The following SLC2A8 variants were observed in gnomAD, a reference collection of about 807,000 sequenced individuals.
SLC2A8 encodes solute carrier family 2, facilitated glucose transporter member 8.
In SLC2A8, 53 loss-of-function variants were observed where a neutral mutation model predicts 49.2. That is an observed-to-expected ratio of 1.08 (90% CI 0.86 to 1.35). The LOEUF is 1.35. Ranked by LOEUF, SLC2A8 falls within the 40% of genes most tolerant of loss-of-function variation. SLC2A8 has a pLI of 0.00. For synonymous variants in SLC2A8, 299 were observed against 297.0 expected (o/e 1.01, Z -0.07); for missense variants, 688 against 671.7 (o/e 1.02, Z -0.27).
chr9:127,405,438 G>A lies in SLC2A8; in HGVS notation c.1169G>A (p.Gly390Glu), dbSNP rs776088843. 3.7e-6 allele frequency: 6 copies of A among 1,612,810 alleles called. No homozygotes were observed. Among genetic ancestry groups the A allele is most frequent in the Non-Finnish European group, 5.1e-6 (6 of 1,179,988 alleles). Residue 390 changes from glycine (G) to glutamate (E), a missense_variant, in exon 9 of 10, where the codon GGG becomes GAG. By Grantham distance (98) the Gly-to-Glu change is moderately conservative. Coordinates refer to ENST00000373371, the MANE Select transcript of SLC2A8 (RefSeq NM_014580.5). ...LFIAGFAVGW[G>E]PIPWLLMSEI... is the part of the protein sequence containing the mutation. ...CCCACAGGCTTTGCGGTGGGCTGGG[G>A]GCCCATCCCCTGGCTCCTCATGTCA...
chr9:127,407,178 A>G lies in SLC2A8; in HGVS notation c.1363A>G (p.Thr455Ala), dbSNP rs1337353166. The change falls in exon 10 of 10, where the codon ACT (threonine) becomes GCT (alanine). Residue 455 changes from threonine (T) to alanine (A), a missense_variant. Thr to Ala is a moderately conservative substitution (Grantham distance 58, BLOSUM62 0). Transcript: ENST00000373371. ...SAFCIFSVLFTLFCVPETKGK... is the reference protein window; with the variant it reads ...SAFCIFSVLFALFCVPETKGK... ...TTTCTGCATCTTCAGTGTCCTTTTC[A>G]CTTTGTTCTGTGTCCCTGAAACTAA... 1.2e-6 allele frequency: 2 copies of G among 1,613,270 alleles called. No homozygotes were observed. The highest frequency in any genetic ancestry group is 2.7e-5 in the African/African-American group (2 of 74,820).
At chr9:127,403,441 C>T (rs374508069) in intron 5 of SLC2A8, 23 of 593,922 alleles carry the variant, frequency 3.9e-5, no homozygotes, top group Non-Finnish European at 5.7e-5. Flanking sequence ...GGCTCCCCCC[C>T]ACCTATCAGG....
In SLC2A8 at chr9:127,397,640, A is replaced by G. The variant is rs999274814; in HGVS notation, c.219+102A>G. ...CCCCACCCTTCCCCTCGGGACAGGC[A>G]TCGGGCCCCGCCGCCACCACCTTTC... On this transcript the variant is annotated intron_variant, in intron 2 of 9. Coordinates refer to ENST00000373371, the MANE Select transcript of SLC2A8 (RefSeq NM_014580.5). The G allele has an allele frequency of 1.1e-5, 15 of 1,324,594 alleles. No individual in the cohort carries two copies. The Admixed American group carries it at 2.7e-4, about 24-fold the overall frequency. 82.1% of individuals were successfully genotyped at this position (1,324,594 alleles called of 1,614,324 possible).
In SLC2A8 at chr9:127,407,150, C is replaced by T. The variant is rs772951758; in HGVS notation, c.1335C>T (p.Ser445=). 1.4e-5 allele frequency: 23 copies of T among 1,613,556 alleles called. No individual in the cohort carries two copies. The Middle Eastern group carries it at 6.6e-4, about 46-fold the overall frequency. The change falls in exon 10 of 10, where the codon TCC becomes TCT. Residue 445 remains serine, a synonymous_variant. Transcript: ENST00000373371. ...LRPYGAFWLA[S]AFCIFSVLFT... ...CCTATGGAGCCTTCTGGCTTGCCTC[C>T]GCTTTCTGCATCTTCAGTGTCCTTT...
Position 127,405,491 on chromosome 9 carries a change from G to C in SLC2A8, c.1222G>C (p.Val408Leu), listed in dbSNP as rs79364852. ...GATCTTCCCTCTGCATGTCAAGGGCGTGGCGACAGGCATCTGCGTCCTCAC... is the reference window on the plus strand; with the variant it reads ...GATCTTCCCTCTGCATGTCAAGGGCCTGGCGACAGGCATCTGCGTCCTCAC... ...SEIFPLHVKG[V>L]ATGICVLTNW... Residue 408 changes from valine to leucine, a missense_variant, in exon 9 of 10, where the codon GTG (valine) becomes CTG (leucine). Transcript: ENST00000373371. The C allele has an allele frequency of 1.2e-6, 2 of 1,613,044 alleles. No homozygotes were observed. Among genetic ancestry groups the C allele is most frequent in the African/African-American group, 1.3e-5 (1 of 74,942 alleles).
At chr9:127,405,291 G>A (rs997097965) in intron 8 of SLC2A8, 129 bp from the exon 9 acceptor site, 23 of 1,100,468 alleles carry the variant, frequency 2.1e-5, no homozygotes, top group South Asian at 9.4e-5. Flanking sequence ...TGGAGCTGGT[G>A]GGACCACACT....
intron 4 of SLC2A8, among the ~76,000 whole-genome samples, chr9:127,401,510 G>C (rs1833290173): frequency 6.6e-6 from 1 of 152,234 alleles, no homozygotes. Context: ...TACCTTGGGA[G>C]ACCTGAGTAA....
At position 127,402,731 on chromosome 9, in the gene SLC2A8, AC is replaced by A. The variant is rs199808560; in HGVS notation, c.708del (p.Ile237SerfsTer27). The stretch of plus-strand genomic sequence containing the variant: ...TGGGGCTCCGAGCAGGGCTGGGAAG[AC>A]CCCCCCATCGGGGCTGAGCAGGTGA... ...FLWGSEQGWE[D>X]PPIGAEQSFH... is the part of the protein sequence containing the mutation. On this transcript the variant is annotated frameshift_variant, in exon 5 of 10. Transcript: ENST00000373371. LOFTEE classifies it high-confidence loss of function. 17 of 1,548,194 alleles carry A rather than the reference AC, an allele frequency of 1.1e-5. No individual in the cohort carries two copies. Among genetic ancestry groups the A allele is most frequent in the South Asian group, 2.4e-5 (2 of 83,926 alleles).
rs755083334 is a variant in SLC2A8, at chr9:127,397,930, C to T, written c.245C>T (p.Ala82Val). 86 of 1,530,248 alleles carry T rather than the reference C, an allele frequency of 5.6e-5. No individual in the cohort carries two copies. The highest frequency in any genetic ancestry group is 7.3e-5 in the Non-Finnish European group (84 of 1,144,860). The allele number at this position is 1,530,248 out of a possible 1,614,324, so 94.8% of individuals were successfully genotyped here. ...FGAVVTLGAA[A>V]GGVLGGWLVD... ...GCTGTCGTGACCCTGGGTGCCGCGGCGGGGGGAGTGCTGGGCGGCTGGCTG... is the reference window on the plus strand; with the variant it reads ...GCTGTCGTGACCCTGGGTGCCGCGGTGGGGGGAGTGCTGGGCGGCTGGCTG... The change falls in exon 3 of 10, where the codon GCG becomes GTG. Residue 82 changes from alanine to valine, a missense_variant. By Grantham distance (64) the Ala-to-Val change is moderately conservative. Coordinates refer to ENST00000373371, the MANE Select transcript of SLC2A8 (RefSeq NM_014580.5).
At chr9:127,407,062 G>T (rs1833517111) in intron 9 of SLC2A8, 50 bp from the exon 10 acceptor site, 1 of 1,603,056 alleles carries the variant, frequency 6.2e-7, no homozygotes, top group East Asian at 2.2e-5. Flanking sequence ...ATCGCGTGGG[G>T]CTTCCTGATC....
chr9:127,406,004 G>A (rs766269920), intron 9 of SLC2A8: 4 of 521,812 alleles, frequency 7.7e-6, no homozygotes, highest in East Asian at 5.4e-5. Context: ...CTCTTAAGAC[G>A]GATGGGAGCA....
At position 127,407,224 on chromosome 9, in the gene SLC2A8, T is replaced by C; in HGVS notation, c.1409T>C (p.Ile470Thr). 1 of 1,613,260 alleles carries C rather than the reference T, an allele frequency of 6.2e-7. No homozygotes were observed. The highest frequency in any genetic ancestry group is 8.5e-7 in the Non-Finnish European group (1 of 1,179,984). The change falls in exon 10 of 10, where the codon ATC (isoleucine) becomes ACC (threonine). Residue 470 changes from isoleucine to threonine, a missense_variant. Coordinates refer to ENST00000373371, the MANE Select transcript of SLC2A8 (RefSeq NM_014580.5). ...ACTAAAGGAAAGACTCTGGAACAAA[T>C]CACAGCCCATTTTGAGGGGCGATGA... ...PETKGKTLEQ[I>T]TAHFEGR
Position 127,398,056 on chromosome 9 carries a change from TGGG to T in SLC2A8, c.375_377del (p.Gly126del), listed in dbSNP as rs1270463982. 1.3e-6 allele frequency: 2 copies of T among 1,589,254 alleles called. No homozygotes were observed. The highest frequency in any genetic ancestry group is 2.3e-5 in the East Asian group (1 of 44,072). On this transcript the variant is annotated inframe_deletion, in exon 3 of 10. Transcript: ENST00000373371. Reference sequence around the variant, plus strand: ...GCGGCCCAGGACGTGTGGATGCTGCTGGGGGGCCGCCTCCTCACCGGCCTGGCC... The same window carrying T: ...GCGGCCCAGGACGTGTGGATGCTGCTGGGCCGCCTCCTCACCGGCCTGGCC...
intron 3 of SLC2A8, among the ~76,000 whole-genome samples, chr9:127,398,738 C>G (rs566364802): frequency 6.6e-6 from 1 of 152,192 alleles, no homozygotes; most frequent in African/African-American, 2.4e-5. Flanking sequence ...CTCTGGAAAA[C>G]AGGGATTATG....
rs41302651 is a variant in SLC2A8, at chr9:127,405,059, C to A, written c.1150+68C>A. On this transcript the variant is annotated intron_variant, in intron 8 of 9. Coordinates refer to ENST00000373371, the MANE Select transcript of SLC2A8 (RefSeq NM_014580.5). ...TCCCCCCGGCCCTGCTGTGGCGGCTCCCGGCAGGTGGGGTCTTCCCCAGCC... is the reference window on the plus strand; with the variant it reads ...TCCCCCCGGCCCTGCTGTGGCGGCTACCGGCAGGTGGGGTCTTCCCCAGCC... 3.9e-6 allele frequency: 6 copies of A among 1,520,244 alleles called. No individual in the cohort carries two copies. The South Asian group carries it at 6.0e-5, about 15-fold the overall frequency. 94.2% of individuals were successfully genotyped at this position (1,520,244 alleles called of 1,614,324 possible).
At chr9:127,402,831 C>T in intron 5 of SLC2A8, 78 bp downstream of exon 5, 1 of 1,424,074 alleles carries the variant, frequency 7.0e-7, no homozygotes, top group Non-Finnish European at 9.2e-7. Context: ...CCCAAGGCCA[C>T]ACACTTGGGG....
Position 127,397,188 on chromosome 9 carries a change from C to T in SLC2A8, c.-43C>T, listed in dbSNP as rs766371683. On this transcript the variant is annotated 5_prime_UTR_variant, in exon 1 of 10. Coordinates refer to ENST00000373371, the MANE Select transcript of SLC2A8 (RefSeq NM_014580.5). The stretch of plus-strand genomic sequence containing the variant: ...CGGGCCGCACTCGCAGGGCCCGTGG[C>T]GGTTCAGGCGCCAGAGCTGGCCGAT... The T allele has an allele frequency of 6.9e-7, 1 of 1,442,468 alleles. No individual in the cohort carries two copies. The highest frequency in any genetic ancestry group is 9.0e-7 in the Non-Finnish European group (1 of 1,106,250). 89.4% of individuals were successfully genotyped at this position (1,442,468 alleles called of 1,614,324 possible). A position where few individuals can be genotyped will look rare whatever the true frequency, so the allele number is the denominator to read the frequency against.
intron 8 of SLC2A8, 151 bp downstream of exon 8, chr9:127,405,142 T>C (rs1833445654): frequency 2.1e-6 from 2 of 937,476 alleles, no homozygotes; most frequent in African/African-American, 3.3e-5. Context: ...CACATGCAGC[T>C]GTGGAACTAG....
In SLC2A8 at chr9:127,402,886, G is replaced by A. The variant is rs957276398; in HGVS notation, c.723+133G>A. On this transcript the variant is annotated intron_variant, in intron 5 of 9. Transcript: ENST00000373371. ...CCTATCCACCCTCCACCCTCAGCGA[G>A]GACAGGCCCAGTGTGTCCTGTCTTT... 12 of 1,148,962 alleles carry A rather than the reference G, an allele frequency of 1.0e-5. No homozygotes were observed. In the Admixed American group the frequency reaches 1.2e-4, roughly 12 times the overall value. The allele number at this position is 1,148,962 out of a possible 1,614,324, so 71.2% of individuals were successfully genotyped here. A position where few individuals can be genotyped will look rare whatever the true frequency, so the allele number is the denominator to read the frequency against.
Sources: allele counts gnomAD v4.1 joint callset (sites outside exome capture counted in the v4.1 genomes callset), GRCh38; gene constraint gnomAD v4.1.1; transcripts MANE v1.5; gene names NCBI Gene and HGNC (gene_info 2026-07-23, HGNC 2026-07-21).